The following TRPM3 variants were observed in gnomAD, a reference collection of about 807,000 sequenced individuals.
The protein encoded by TRPM3 is transient receptor potential cation channel subfamily M member 3.
TRPM3 carries 77 observed loss-of-function variants against 181.2 expected under a neutral mutation model. The observed-to-expected ratio is 0.42, with a 90% CI of 0.35 to 0.51. The LOEUF (loss-of-function observed/expected upper bound fraction) is 0.51. TRPM3 is among the 20% of genes least tolerant of loss of function. The probability of loss-of-function intolerance (pLI) is 0.01; values close to 1 mark genes in which losing one functional copy is unlikely to be tolerated. For missense variants in TRPM3, 1,759 were observed against 2,196.7 expected (o/e 0.80, Z 3.98); for synonymous variants, 745 against 796.4 (o/e 0.94, Z 1.09).
At chr9:71,356,682 C>T (rs1293531171) in intron 1 of TRPM3, among the ~76,000 whole-genome samples, 1 of 152,070 alleles carries the variant, frequency 6.6e-6, no homozygotes, top group Non-Finnish European at 1.5e-5. Flanking sequence ...TCTATTAATG[C>T]TAGCAATTGT....
chr9:71,379,365 T>C (rs1263580454), intron 1 of TRPM3, among the ~76,000 whole-genome samples: 2 of 152,050 alleles, frequency 1.3e-5, no homozygotes, highest in Non-Finnish European at 2.9e-5. Context: ...ACATTAGTTT[T>C]CATTGCTTCA....
At chr9:70,803,033 T>TAAAAAAAAAAAAAA (rs78461560) in intron 6 of TRPM3, among the ~76,000 whole-genome samples, 1 of 42,890 alleles carries the variant, frequency 2.3e-5, no homozygotes, top group East Asian at 7.4e-4. Flanking sequence ...AGAAATTTTG[T>TAAAAAAAAAAAAAA]AAAAAAAAAA....
At position 70,848,894 on chromosome 9, in the gene TRPM3, T is replaced by G. The variant is rs1175552223; in HGVS notation, c.463-2303A>C. Among the ~76,000 whole-genome samples the G allele has an allele frequency of 1.7e-4, 7 of 40,138 alleles. 1 individual carries two copies. The highest frequency in any genetic ancestry group is 3.4e-4 in the East Asian group (1 of 2,954). The allele number at this position is 40,138 out of a possible 152,430, so 26.3% of individuals were successfully genotyped here. ...CGGGAGGCTGAGGCAGGAGAATGGCTTGAACCCGGGAGGCGGAGCTTGCAG... is the reference window on the plus strand; with the variant it reads ...CGGGAGGCTGAGGCAGGAGAATGGCGTGAACCCGGGAGGCGGAGCTTGCAG... On this transcript the variant is annotated intron_variant, in intron 3 of 25. Transcript: ENST00000677713.
chr9:70,619,847 G>A (rs1037514549), intron 16 of TRPM3, among the ~76,000 whole-genome samples: 5 of 152,094 alleles, frequency 3.3e-5, no homozygotes, highest in Admixed American at 2.0e-4. Flanking sequence ...TAACTACGGG[G>A]CCTACCTCAT....
chr9:71,306,769 G>T (rs1247024809), intron 1 of TRPM3, among the ~76,000 whole-genome samples: 1 of 152,158 alleles, frequency 6.6e-6, no homozygotes, highest in Non-Finnish European at 1.5e-5. Flanking sequence ...AGCTACTCAG[G>T]AGACTGAGGC....
intron 1 of TRPM3, among the ~76,000 whole-genome samples, chr9:70,876,027 C>A (rs73647173): frequency 0.014 from 2,179 of 151,812 alleles, 54 homozygotes; most frequent in African/African-American, 0.049. Context: ...TCAACTGCTC[C>A]AAATAAAAAG....
chr9:71,164,683 A>G (rs978669930), intron 1 of TRPM3, among the ~76,000 whole-genome samples: 1 of 152,152 alleles, frequency 6.6e-6, no homozygotes. Context: ...TGGAACTTCG[A>G]CTAAATTTTA....
chr9:70,999,334 TTCAGGTAGTAAC>T (rs947836616), intron 1 of TRPM3, among the ~76,000 whole-genome samples: 184 of 152,330 alleles, frequency 1.2e-3, no homozygotes, highest in African/African-American at 4.2e-3. Context: ...TTCAACCTCC[TTCAGGTAGTAAC>T]TCAGGCCAGA....
In TRPM3 at chr9:70,534,194, T is replaced by A. The variant is rs993741940; in HGVS notation, c.*1759A>T. The stretch of plus-strand genomic sequence containing the variant: ...ACTAGCTGGTTTAAAGTTGCGTGTC[T>A]ATTCAGATTGTACGTGGTGTAAAAA... On this transcript the variant is annotated 3_prime_UTR_variant, in exon 26 of 26. Coordinates refer to ENST00000677713, the MANE Select transcript of TRPM3 (RefSeq NM_001366145.2). 1 of 152,214 alleles carries A rather than the reference T, an allele frequency of 6.6e-6. No homozygotes were observed. Among genetic ancestry groups the A allele is most frequent in the African/African-American group, 2.4e-5 (1 of 41,446 alleles). The allele number at this position is 152,214 out of a possible 1,614,324, so 9.4% of individuals were successfully genotyped here. A position where few individuals can be genotyped will look rare whatever the true frequency, so the allele number is the denominator to read the frequency against.
chr9:70,854,896 A>G (rs929622663), intron 3 of TRPM3, among the ~76,000 whole-genome samples: 1 of 152,214 alleles, frequency 6.6e-6, no homozygotes, highest in Admixed American at 6.5e-5. Context: ...AGGCCAGTAC[A>G]TCAGCATGAT....
At chr9:71,338,472 C>G (rs572953871) in intron 1 of TRPM3, among the ~76,000 whole-genome samples, 1 of 152,030 alleles carries the variant, frequency 6.6e-6, no homozygotes, top group African/African-American at 2.4e-5. Flanking sequence ...GAAACAGACC[C>G]GGTTCCAAGG....
intron 1 of TRPM3, among the ~76,000 whole-genome samples, chr9:71,171,896 G>A (rs2076880202): frequency 8.5e-6 from 1 of 117,546 alleles, no homozygotes; most frequent in African/African-American, 3.0e-5. Context: ...GGGTGTTAGG[G>A]TTTTTGTTGT....
intron 8 of TRPM3, among the ~76,000 whole-genome samples, chr9:70,683,428 C>CGTTTTTTT (rs2065960510): frequency 1.7e-5 from 1 of 57,458 alleles, no homozygotes. Flanking sequence ...TCTCTCTCTC[C>CGTTTTTTT]TTTTTTTTTT....
At chr9:71,046,830 G>A (rs1477835955) in intron 1 of TRPM3, among the ~76,000 whole-genome samples, 2 of 152,218 alleles carry the variant, frequency 1.3e-5, no homozygotes, top group Non-Finnish European at 2.9e-5. Context: ...ATGAAAAGCT[G>A]ATCAGGAGGA....
chr9:71,021,630 C>G (rs534060424), intron 1 of TRPM3, among the ~76,000 whole-genome samples: 5 of 152,140 alleles, frequency 3.3e-5, no homozygotes, highest in African/African-American at 4.8e-5. Context: ...ATTATCATTA[C>G]AAAACAATGT....
chr9:70,570,788 T>C (rs2052106029), intron 22 of TRPM3, among the ~76,000 whole-genome samples: 1 of 152,280 alleles, frequency 6.6e-6, no homozygotes, highest in Admixed American at 6.5e-5. Context: ...GGCCACCGAA[T>C]CATTTGAGAT....
intron 1 of TRPM3, among the ~76,000 whole-genome samples, chr9:71,244,520 A>C (rs1329566088): frequency 1.3e-5 from 2 of 152,178 alleles, no homozygotes; most frequent in East Asian, 3.9e-4. Context: ...GTCACCCTTG[A>C]GGTGACTTGA....
At chr9:71,080,890 C>A (rs2064207129) in intron 1 of TRPM3, among the ~76,000 whole-genome samples, 1 of 152,182 alleles carries the variant, frequency 6.6e-6, no homozygotes, top group African/African-American at 2.4e-5. Context: ...ACACAGTAAG[C>A]ATGAACGTCC....
At chr9:71,098,760 T>C (rs2067769267) in intron 1 of TRPM3, among the ~76,000 whole-genome samples, 1 of 152,134 alleles carries the variant, frequency 6.6e-6, no homozygotes, top group Non-Finnish European at 1.5e-5. Context: ...CCTCAAAAAC[T>C]GGAAGATTAC....
Sources: allele counts gnomAD v4.1 joint callset (sites outside exome capture counted in the v4.1 genomes callset), GRCh38; gene constraint gnomAD v4.1.1; transcripts MANE v1.5; gene names NCBI Gene and HGNC (gene_info 2026-07-23, HGNC 2026-07-21).